DLGAP1: variants seen among roughly 807,000 people sequenced by gnomAD.
DLGAP1 encodes the protein DLG associated protein 1.
DLGAP1 carries 11 observed loss-of-function variants against 90.8 expected under a neutral mutation model. That is an observed-to-expected ratio of 0.12 (90% confidence interval 0.08 to 0.20). The LOEUF is 0.20. Ranked by LOEUF, DLGAP1 falls within the 10% of genes least tolerant of loss-of-function variation. DLGAP1 has a pLI of 1.00. For missense variants in DLGAP1, 1,050 were observed against 1,333.8 expected (o/e 0.79, Z 3.31); for synonymous variants, 558 against 540.7 (o/e 1.03, Z -0.44).
chr18:4,120,902 G>T (rs2076143616), intron 2 of DLGAP1, among the ~76,000 whole-genome samples: 1 of 152,128 alleles, frequency 6.6e-6, no homozygotes, highest in Non-Finnish European at 1.5e-5. Context: ...ACTGGGCTAG[G>T]CTAGCTACAG....
intron 5 of DLGAP1, among the ~76,000 whole-genome samples, chr18:3,757,348 G>T (rs950173325): frequency 3.9e-5 from 6 of 152,334 alleles, no homozygotes; most frequent in African/African-American, 1.4e-4. Context: ...GGCAGAGGTT[G>T]CAGTGAGCCA....
intron 9 of DLGAP1, among the ~76,000 whole-genome samples, chr18:3,564,582 T>C (rs972446807): frequency 6.6e-6 from 1 of 152,204 alleles, no homozygotes; most frequent in African/African-American, 2.4e-5. Flanking sequence ...AGATTTTTTT[T>C]CTCTGATATT....
chr18:4,294,377 C>G (rs145446417), intron 1 of DLGAP1: 1 of 152,342 alleles, frequency 6.6e-6, no homozygotes, highest in Non-Finnish European at 1.5e-5. Flanking sequence ...CCTGGGAAGA[C>G]CACACATGTC....
chr18:3,862,704 G>A (rs1188499943), intron 4 of DLGAP1, among the ~76,000 whole-genome samples: 2 of 152,228 alleles, frequency 1.3e-5, no homozygotes, highest in Non-Finnish European at 2.9e-5. Context: ...ATGTTTCTAA[G>A]GGGAAGTGAG....
rs953426534 is a variant in DLGAP1 at position 3,499,434 on chromosome 18, C to T, written c.2725-40G>A. 123 of 1,544,278 alleles carry T rather than the reference C, an allele frequency of 8.0e-5. No homozygotes were observed. Among genetic ancestry groups the T allele is most frequent in the Non-Finnish European group, 1.0e-4 (116 of 1,143,798 alleles). ...AGGTTCAGGACATTACACAGCTTCT[C>T]AGGACAAGCTTGGGAAAAACTGGGA... On this transcript the variant is annotated intron_variant, in intron 12 of 12. Transcript: ENST00000315677. This position sits in a 1 kb window ranked among gnomAD's most constrained non-coding sequence, Gnocchi z 6.4.
chr18:4,363,708 AC>A (rs879270580), intron 1 of DLGAP1, among the ~76,000 whole-genome samples: 1 of 152,190 alleles, frequency 6.6e-6, no homozygotes, highest in East Asian at 1.9e-4. Flanking sequence ...ACAATGAGAT[AC>A]CATCTCACAC....
At chr18:4,086,630 G>A (rs191452650) in intron 2 of DLGAP1, among the ~76,000 whole-genome samples, 149 of 151,532 alleles carry the variant, frequency 9.8e-4, no homozygotes, top group African/African-American at 2.9e-3. Flanking sequence ...TTTTTAATCC[G>A]ATTTAATTCC....
intron 1 of DLGAP1, among the ~76,000 whole-genome samples, chr18:4,420,674 C>T (rs1195234489): frequency 6.6e-6 from 1 of 152,110 alleles, no homozygotes; most frequent in Non-Finnish European, 1.5e-5. Context: ...ATAATTTTGC[C>T]TAATATCACA....
At chr18:4,286,840 T>C (rs2079707321) in intron 1 of DLGAP1, among the ~76,000 whole-genome samples, 1 of 151,926 alleles carries the variant, frequency 6.6e-6, no homozygotes, top group African/African-American at 2.4e-5. Context: ...TAGACAAGAA[T>C]ATGAAGTATT....
intron 1 of DLGAP1, among the ~76,000 whole-genome samples, chr18:4,392,997 A>T (rs1179424863): frequency 6.6e-6 from 1 of 152,166 alleles, no homozygotes; most frequent in Non-Finnish European, 1.5e-5. Context: ...AAGATACATA[A>T]GGAATTGATA....
chr18:3,873,925 T>G (rs2070905212), intron 4 of DLGAP1, among the ~76,000 whole-genome samples: 1 of 152,186 alleles, frequency 6.6e-6, no homozygotes, highest in African/African-American at 2.4e-5. Flanking sequence ...AATTAAAGAT[T>G]TTATAAAGCC....
chr18:4,180,890 G>C (rs903637973), intron 1 of DLGAP1, among the ~76,000 whole-genome samples: 12 of 152,120 alleles, frequency 7.9e-5, no homozygotes, highest in African/African-American at 2.9e-4. Flanking sequence ...CAACTACAAG[G>C]GTGTCCAGTG....
intron 2 of DLGAP1, among the ~76,000 whole-genome samples, chr18:4,008,222 T>TAC (rs1445067282): frequency 9.1e-4 from 129 of 141,902 alleles, no homozygotes; most frequent in African/African-American, 3.1e-3. Flanking sequence ...TAAATATATA[T>TAC]ATATACACAC....
At chr18:3,688,163 G>A (rs1167426236) in intron 7 of DLGAP1, among the ~76,000 whole-genome samples, 1 of 152,012 alleles carries the variant, frequency 6.6e-6, no homozygotes. Context: ...CAACGGCCTC[G>A]GCCTCCCAAA....
intron 1 of DLGAP1, among the ~76,000 whole-genome samples, chr18:4,263,987 C>T (rs2079054935): frequency 6.6e-6 from 1 of 152,152 alleles, no homozygotes; most frequent in African/African-American, 2.4e-5. Context: ...TTTCTTTAAG[C>T]ATCACATATG....
intron 1 of DLGAP1, among the ~76,000 whole-genome samples, chr18:4,295,847 C>T (rs1034880328): frequency 6.6e-6 from 1 of 152,184 alleles, no homozygotes; most frequent in Non-Finnish European, 1.5e-5. Flanking sequence ...TTATTGTTTC[C>T]TGAAAGGCCT....
At chr18:4,177,369 C>G (rs1422282375) in intron 1 of DLGAP1, among the ~76,000 whole-genome samples, 1 of 150,246 alleles carries the variant, frequency 6.7e-6, no homozygotes, top group Admixed American at 6.6e-5. Flanking sequence ...CACACACACA[C>G]ACACACACAC....
chr18:4,372,615 G>A (rs1157206932), intron 1 of DLGAP1, among the ~76,000 whole-genome samples: 1 of 152,122 alleles, frequency 6.6e-6, no homozygotes, highest in Non-Finnish European at 1.5e-5. Context: ...CAAAAGCAGA[G>A]GAAAACATCC....
chr18:3,615,016 G>A (rs1353820717), intron 7 of DLGAP1, among the ~76,000 whole-genome samples: 2 of 151,958 alleles, frequency 1.3e-5, no homozygotes, highest in African/African-American at 4.8e-5. Flanking sequence ...CCGCCTCCAG[G>A]TTCAAGTGAT....
Sources: allele counts gnomAD v4.1 joint callset (sites outside exome capture counted in the v4.1 genomes callset), GRCh38; gene constraint gnomAD v4.1.1; non-coding constraint Gnocchi (gnomAD v3.1); transcripts MANE v1.5; gene names NCBI Gene and HGNC (gene_info 2026-07-23, HGNC 2026-07-21).